Variants in BICRA observed in about 807,000 individuals in gnomAD.
BICRA encodes BRD4-interacting chromatin-remodeling complex-associated protein.
Under a neutral mutation model 96.9 loss-of-function variants are expected in BICRA, and 31 were observed. The observed-to-expected ratio is 0.32, with a 90% CI of 0.24 to 0.43. The LOEUF (loss-of-function observed/expected upper bound fraction) is 0.43, where lower values mean the gene tolerates loss of function less well. Among genes scored for constraint, BICRA ranks in the 20% least tolerant of loss-of-function variants. BICRA has a pLI of 1.00. For synonymous variants in BICRA, 1,350 were observed against 1,071.8 expected, an observed-to-expected ratio of 1.26 and a Z score of -5.07; for missense variants, 2,283 against 2,190.3, an observed-to-expected ratio of 1.04 and a Z score of -0.84.
In BICRA at chr19:47,701,192, A is replaced by G. The variant is rs1047109183; in HGVS notation, c.3596-136A>G. ...TGCTGAAGAGGGTCTCACCAAGCCTATCCTGAGGATTGGAGGGTCCAGGGT... is the reference window on the plus strand; with the variant it reads ...TGCTGAAGAGGGTCTCACCAAGCCTGTCCTGAGGATTGGAGGGTCCAGGGT... On this transcript the variant is annotated intron_variant, in intron 14 of 14. Transcript: ENST00000594866. The surrounding 1 kb of genome is among the most constrained non-coding windows in gnomAD (Gnocchi z 5.4). 1.1e-5 allele frequency: 7 copies of G among 656,232 alleles called. No individual in the cohort carries two copies. The highest frequency in any genetic ancestry group is 7.0e-5 in the South Asian group (4 of 57,386). 40.7% of individuals were successfully genotyped at this position (656,232 alleles called of 1,614,324 possible).
intron 1 of BICRA, among the ~76,000 whole-genome samples, chr19:47,622,053 A>G (rs1370778113): frequency 6.7e-6 from 1 of 148,630 alleles, no homozygotes; most frequent in Admixed American, 6.7e-5. Context: ...TGCAACCTCT[A>G]CCTCCCGGGT....
chr19:47,694,025 G>A, intron 7 of BICRA, 90 bp from the exon 8 acceptor site: 1 of 1,416,210 alleles, frequency 7.1e-7, no homozygotes, highest in South Asian at 1.5e-5. Flanking sequence ...TTCTGGCGGG[G>A]ATGGCTGGGG....
chr19:47,618,315 TGACTTGGTGGCAAGC>T (rs952614784), intron 1 of BICRA, among the ~76,000 whole-genome samples: 18 of 152,196 alleles, frequency 1.2e-4, no homozygotes, highest in Non-Finnish European at 8.8e-5. Flanking sequence ...TCTAACCCTG[TGACTTGGTGGCAAGC>T]TATTTCCCTC....
Position 47,680,828 on chromosome 19 carries a change from C to T in BICRA, c.1658C>T (p.Ala553Val), listed in dbSNP as rs775496243. ...SAAPIQVGQP[A>V]LFQMPVSLAA... The stretch of plus-strand genomic sequence containing the variant: ...GCTCCCATCCAGGTGGGCCAGCCTG[C>T]GCTCTTCCAGATGCCCGTGTCGCTG... Residue 553 changes from alanine to valine, a missense_variant, in exon 6 of 15, where the codon GCG becomes GTG. Physicochemically the swap from Ala to Val is moderately conservative, Grantham distance 64. Coordinates refer to ENST00000594866, the MANE Select transcript of BICRA (RefSeq NM_001394372.1). 1.2e-6 allele frequency: 2 copies of T among 1,600,920 alleles called. No homozygotes were observed. Among genetic ancestry groups the T allele is most frequent in the Non-Finnish European group, 1.7e-6 (2 of 1,177,204 alleles).
Position 47,701,082 on chromosome 19 carries a change from A to C in BICRA, c.3596-246A>C. The C allele has an allele frequency of 1.9e-6, 1 of 537,264 alleles. No individual in the cohort carries two copies. Among genetic ancestry groups the C allele is most frequent in the Non-Finnish European group, 3.3e-6 (1 of 306,458 alleles). The allele number at this position is 537,264 out of a possible 1,614,324, so 33.3% of individuals were successfully genotyped here. ...CCTGAGCCTTGTTTTGTATTCTCTT[A>C]ATTTACTTATGTCTGAATGAGCCCC... On this transcript the variant is annotated intron_variant, in intron 14 of 14. Transcript: ENST00000594866. The surrounding 1 kb of genome is among the most constrained non-coding windows in gnomAD (Gnocchi z 5.4).
intron 1 of BICRA, among the ~76,000 whole-genome samples, chr19:47,645,059 C>T (rs900096619): frequency 6.6e-6 from 1 of 152,152 alleles, no homozygotes; most frequent in Non-Finnish European, 1.5e-5. Context: ...TTGATTGATA[C>T]AACACCATTA....
At chr19:47,628,335 C>G (rs375531964) in intron 1 of BICRA, among the ~76,000 whole-genome samples, 1 of 152,020 alleles carries the variant, frequency 6.6e-6, no homozygotes, top group Non-Finnish European at 1.5e-5. Context: ...CATTTCTTAA[C>G]TCCCAGGTGA....
chr19:47,641,237 TTTAC>T (rs1972382264), intron 1 of BICRA, among the ~76,000 whole-genome samples: 1 of 151,912 alleles, frequency 6.6e-6, no homozygotes, highest in African/African-American at 2.4e-5. Context: ...TTTAGTAAAC[TTTAC>T]TTAGGTATAA....
chr19:47,681,953 C>T lies in BICRA; in HGVS notation c.2107-23C>T, dbSNP rs1443117957. On this transcript the variant is annotated intron_variant, in intron 6 of 14. Transcript: ENST00000594866. ...GGGCCTGTGGGGGCGGCTTTCTGAT[C>T]CTGTGCGGGCTGCCCGTTGCAGGAG... The T allele has an allele frequency of 2.0e-6, 3 of 1,522,758 alleles. No individual in the cohort carries two copies. In the East Asian group the frequency reaches 7.3e-5, roughly 37 times the overall value. 94.3% of individuals were successfully genotyped at this position (1,522,758 alleles called of 1,614,324 possible).
intron 1 of BICRA, among the ~76,000 whole-genome samples, chr19:47,651,935 G>A (rs1972546992): frequency 6.6e-6 from 1 of 152,186 alleles, no homozygotes; most frequent in African/African-American, 2.4e-5. Context: ...GCTTGCCCGG[G>A]ACCTGCTCTG....
chr19:47,630,704 C>T (rs944894237), intron 1 of BICRA, among the ~76,000 whole-genome samples: 9 of 152,140 alleles, frequency 5.9e-5, no homozygotes, highest in South Asian at 2.1e-4. Flanking sequence ...CTATTGTGAA[C>T]GACGTTGCTG....
At chr19:47,644,897 C>T (rs1306015983) in intron 1 of BICRA, among the ~76,000 whole-genome samples, 4 of 152,064 alleles carry the variant, frequency 2.6e-5, no homozygotes, top group African/African-American at 7.2e-5. Flanking sequence ...ACCAGTTTCA[C>T]CTGAACTCTA....
rs1972930751 is a variant in BICRA at position 47,675,756 on chromosome 19, C to A, written c.85-95C>A. On this transcript the variant is annotated intron_variant, in intron 4 of 14. Coordinates refer to ENST00000594866, the MANE Select transcript of BICRA (RefSeq NM_001394372.1). This position sits in a 1 kb window ranked among gnomAD's most constrained non-coding sequence, Gnocchi z 4.7. Reference sequence around the variant, plus strand: ...AGCCCTCTCCCATCCCAACCCTTGTCTTTTTGTCCTGAGTGACCCTAAATT... The same window carrying A: ...AGCCCTCTCCCATCCCAACCCTTGTATTTTTGTCCTGAGTGACCCTAAATT... 2 of 936,518 alleles carry A rather than the reference C, an allele frequency of 2.1e-6. No individual in the cohort carries two copies. Among genetic ancestry groups the A allele is most frequent in the Non-Finnish European group, 3.4e-6 (2 of 585,026 alleles). 58.0% of individuals were successfully genotyped at this position (936,518 alleles called of 1,614,324 possible). A position where few individuals can be genotyped will look rare whatever the true frequency, so the allele number is the denominator to read the frequency against.
At chr19:47,690,509 G>A (rs571432020) in intron 7 of BICRA, among the ~76,000 whole-genome samples, 2 of 152,270 alleles carry the variant, frequency 1.3e-5, no homozygotes, top group East Asian at 3.9e-4. Flanking sequence ...TTCCTAATGC[G>A]ACGGGTGGTA....
intron 1 of BICRA, among the ~76,000 whole-genome samples, chr19:47,629,072 G>T (rs1004520156): frequency 6.6e-6 from 1 of 152,030 alleles, no homozygotes; most frequent in Non-Finnish European, 1.5e-5. Context: ...CACAATCTCG[G>T]CTCACTGCAA....
chr19:47,694,477 C>T lies in BICRA; in HGVS notation c.2646C>T (p.Ser882=), dbSNP rs761617559. The change falls in exon 8 of 15, where the codon TCC becomes TCT. Residue 882 remains serine, a synonymous_variant. Coordinates refer to ENST00000594866, the MANE Select transcript of BICRA (RefSeq NM_001394372.1). ...PLPPAPHLPP[S]STSSAVASSS... ...CCCCAGCCCCCCACCTCCCTCCATC[C>T]TCCACCTCCTCTGCTGTGGCCTCCT... The T allele has an allele frequency of 3.6e-5, 53 of 1,457,076 alleles. No individual in the cohort carries two copies. The highest frequency in any genetic ancestry group is 6.8e-5 in the Admixed American group (4 of 58,492). The allele number at this position is 1,457,076 out of a possible 1,614,324, so 90.3% of individuals were successfully genotyped here. A position where few individuals can be genotyped will look rare whatever the true frequency, so the allele number is the denominator to read the frequency against.
At position 47,698,916 on chromosome 19, in the gene BICRA, G is replaced by T. The variant is rs757198570; in HGVS notation, c.3398-49G>T. The T allele has an allele frequency of 2.8e-6, 4 of 1,447,590 alleles. No homozygotes were observed. The highest frequency in any genetic ancestry group is 3.8e-6 in the Non-Finnish European group (4 of 1,050,914). 89.7% of individuals were successfully genotyped at this position (1,447,590 alleles called of 1,614,324 possible). On this transcript the variant is annotated intron_variant, in intron 12 of 14. Transcript: ENST00000594866. This position sits in a 1 kb window ranked among gnomAD's most constrained non-coding sequence, Gnocchi z 4.8. Reference sequence around the variant, plus strand: ...GCCCCGCCCTCCTTCCTGCGCATCCGCGGCCGCCCCCAACATCTCCGCCCT... The same window carrying T: ...GCCCCGCCCTCCTTCCTGCGCATCCTCGGCCGCCCCCAACATCTCCGCCCT...
At chr19:47,647,651 A>G (rs1176173340) in intron 1 of BICRA, among the ~76,000 whole-genome samples, 1 of 151,988 alleles carries the variant, frequency 6.6e-6, no homozygotes, top group Non-Finnish European at 1.5e-5. Flanking sequence ...ATGTTCTTGT[A>G]GAATCCTCCT....
Position 47,695,466 on chromosome 19 carries a change from G to A in BICRA, c.3178G>A (p.Gly1060Arg), listed in dbSNP as rs1973325419. ...TTCCTCCGGGCCAGGGAAGCCCTCC[G>A]GGCTGCAGGTAAGGGGCCCTTAGAG... Reference protein sequence around the residue: ...AASSGPGKPSGLQYESKLSGL... With the variant: ...AASSGPGKPSRLQYESKLSGL... Residue 1060 changes from glycine (G) to arginine (R), a missense_variant, in exon 10 of 15, where the codon GGG (glycine) becomes AGG (arginine). Coordinates refer to ENST00000594866, the MANE Select transcript of BICRA (RefSeq NM_001394372.1). 1.3e-6 allele frequency: 2 copies of A among 1,535,046 alleles called. No homozygotes were observed. Among genetic ancestry groups the A allele is most frequent in the East Asian group, 2.3e-5 (1 of 42,818 alleles).
Sources: allele counts gnomAD v4.1 joint callset (sites outside exome capture counted in the v4.1 genomes callset), GRCh38; gene constraint gnomAD v4.1.1; non-coding constraint Gnocchi (gnomAD v3.1); transcripts MANE v1.5; gene names NCBI Gene and HGNC (gene_info 2026-07-23, HGNC 2026-07-21).